The following NCOR2 variants were observed in gnomAD, a reference collection of about 807,000 sequenced individuals.
NCOR2 encodes nuclear receptor corepressor 2, also known as CTG repeat protein 26.
Under a neutral mutation model 262.9 loss-of-function variants are expected in NCOR2, and 81 were observed. The observed-to-expected ratio is 0.31, with a 90% confidence interval of 0.26 to 0.37. NCOR2 has a LOEUF of 0.37. Among genes scored for constraint, NCOR2 ranks in the 10% least tolerant of loss-of-function variants. The probability of loss-of-function intolerance (pLI) is 1.00; values close to 1 mark genes in which losing one functional copy is unlikely to be tolerated. For missense variants in NCOR2, 3,385 were observed against 3,621.4 expected (o/e 0.93, Z 1.68); for synonymous variants, 1,659 against 1,559.3 (o/e 1.06, Z -1.51).
At chr12:124,343,937 T>C (rs1380336485) in intron 32 of NCOR2, among the ~76,000 whole-genome samples, 3 of 152,140 alleles carry the variant, frequency 2.0e-5, no homozygotes, top group Non-Finnish European at 4.4e-5. Flanking sequence ...CGGAAGACAA[T>C]TTTAAAATGT....
At chr12:124,543,891 A>C (rs1443859214) in intron 1 of NCOR2, among the ~76,000 whole-genome samples, 1 of 152,206 alleles carries the variant, frequency 6.6e-6, no homozygotes, top group Non-Finnish European at 1.5e-5. Flanking sequence ...TCGGTGCCTG[A>C]AGCTCAGGGT....
intron 9 of NCOR2, 56 bp from the exon 12 acceptor site, chr12:124,429,762 C>A: frequency 6.7e-7 from 1 of 1,485,372 alleles, no homozygotes; most frequent in African/African-American, 1.4e-5. Flanking sequence ...GGGACACTAG[C>A]AGACCCCTGT....
chr12:124,483,648 G>C lies in NCOR2; in HGVS notation c.359C>G (p.Pro120Arg), dbSNP rs569394523. ...CTGGCCCGTGGCCAGCAGGGGTGAC[G>C]GTCGCAGCAGGGGGTCAGGCAGCAG... Residue 120 changes from proline to arginine, a missense_variant, in exon 3 of 47, where the codon CCG becomes CGG. Pro to Arg is a moderately radical substitution (Grantham distance 103, BLOSUM62 -2). This residue lies in a region of NCOR2 where 237 missense variants were observed against 229.4 expected (regional missense o/e 1.03). Transcript: ENST00000405201. This position sits in a 1 kb window ranked among gnomAD's most constrained non-coding sequence, Gnocchi z 6.3. The C allele has an allele frequency of 6.2e-7, 1 of 1,611,006 alleles. No homozygotes were observed. Among genetic ancestry groups the C allele is most frequent in the Non-Finnish European group, 8.5e-7 (1 of 1,178,884 alleles).
chr12:124,437,129 T>C (rs2044383023), intron 8 of NCOR2, among the ~76,000 whole-genome samples: 1 of 151,736 alleles, frequency 6.6e-6, no homozygotes, highest in Non-Finnish European at 1.5e-5. Context: ...TGAAATGAAA[T>C]GTAATGAAAT....
intron 7 of NCOR2, among the ~76,000 whole-genome samples, chr12:124,445,792 G>A (rs2045131843): frequency 6.6e-6 from 1 of 152,268 alleles, no homozygotes. Flanking sequence ...TGCCTGGCGT[G>A]TAGTAGATGC....
exon 31 of NCOR2, chr12:124,346,770 G>A: frequency 3.8e-6 from 6 of 1,559,460 alleles, no homozygotes; most frequent in Non-Finnish European, 5.2e-6. Context: ...GGTGGGGGCG[G>A]AGGCGTGCCC....
chr12:124,399,621 G>T (rs778940956), intron 15 of NCOR2, among the ~76,000 whole-genome samples: 1 of 152,130 alleles, frequency 6.6e-6, no homozygotes, highest in Non-Finnish European at 1.5e-5. Context: ...TACATCCCAC[G>T]AGAAGAAGAG....
chr12:124,432,202 G>C lies in NCOR2; in HGVS notation c.883-1415C>G, dbSNP rs1034767390. 2.6e-5 allele frequency among the ~76,000 whole-genome samples: 4 copies of C among 151,750 alleles called. No individual in the cohort carries two copies. The highest frequency in any genetic ancestry group is 5.9e-5 in the Non-Finnish European group (4 of 67,934). On this transcript the variant is annotated intron_variant, in intron 8 of 46. Coordinates refer to ENST00000405201, the Ensembl canonical transcript of NCOR2. This position sits in a 1 kb window ranked among gnomAD's most constrained non-coding sequence, Gnocchi z 5.1. ...GACATGATGGACACACATACACAGA[G>C]TCACACATGTAGACACACAACAGAC...
intron 1 of NCOR2, among the ~76,000 whole-genome samples, chr12:124,555,373 G>C (rs2051848161): frequency 6.6e-6 from 1 of 152,154 alleles, no homozygotes; most frequent in Admixed American, 6.5e-5. Context: ...TGTGTGCACA[G>C]CTCACAAAGC....
intron 9 of NCOR2, among the ~76,000 whole-genome samples, chr12:124,429,954 C>T (rs529663772): frequency 2.6e-5 from 4 of 152,226 alleles, no homozygotes; most frequent in Non-Finnish European, 4.4e-5. Flanking sequence ...CTGAAAAGCC[C>T]AGCTACAAAG....
exon 47 of NCOR2, chr12:124,325,392 C>CCCCCCG: frequency 8.7e-6 from 10 of 1,152,214 alleles, no homozygotes; most frequent in Non-Finnish European, 1.1e-5. Flanking sequence ...CCCCCCCGCC[C>CCCCCCG]TGTTCTGAGT....
At chr12:124,536,086 G>GTGTTTT (rs377391657), upstream of NCOR2, among the ~76,000 whole-genome samples, 19 of 152,202 alleles carry the variant, frequency 1.2e-4, no homozygotes, top group East Asian at 1.4e-3. Flanking sequence ...GTATTTTGGA[G>GTGTTTT]TGTTTTTGTT....
At chr12:124,381,616 C>A (rs1005113871) in intron 17 of NCOR2, among the ~76,000 whole-genome samples, 2 of 152,224 alleles carry the variant, frequency 1.3e-5, no homozygotes, top group African/African-American at 4.8e-5. Flanking sequence ...GAGGCAAAGA[C>A]ACTTGCCCAA....
intron 16 of NCOR2, among the ~76,000 whole-genome samples, chr12:124,391,301 C>T (rs1296483628): frequency 1.3e-5 from 2 of 152,170 alleles, no homozygotes; most frequent in African/African-American, 4.8e-5. Context: ...CACCTCCAGC[C>T]TTGACGTTTC....
At position 124,504,851 on chromosome 12, in the gene NCOR2, G is replaced by A. The variant is rs1187043370; in HGVS notation, c.-117-9483C>T. Among the ~76,000 whole-genome samples, 2 of 152,198 alleles carry A rather than the reference G, an allele frequency of 1.3e-5. No homozygotes were observed. The highest frequency in any genetic ancestry group is 6.5e-5 in the Admixed American group (1 of 15,282). On this transcript the variant is annotated intron_variant, in intron 1 of 46. Transcript: ENST00000404621. The surrounding 1 kb of genome is among the most constrained non-coding windows in gnomAD (Gnocchi z 4.5). ...GATTCCCAGGACAGAACAAAGGCCC[G>A]AGGCTGCCAGGGGTTGTGGGGAGGG... is the stretch of plus-strand genomic sequence containing the variant.
intron 13 of NCOR2, 135 bp downstream of exon 15, chr12:124,419,820 TCA>T (rs1177215540): frequency 6.4e-6 from 5 of 778,244 alleles, no homozygotes; most frequent in Non-Finnish European, 8.7e-6. Flanking sequence ...GAGCCTGCAC[TCA>T]CACTGCCGGT....
At position 124,517,685 on chromosome 12, in the gene NCOR2, TC is replaced by T. The variant is rs960812153; in HGVS notation, c.-118+17879del. The stretch of plus-strand genomic sequence containing the variant: ...CCTGAGCCCCCAAGGCTCGCCATGC[TC>T]CCCCCCAGGGACGCCGGATGTGCAC... On this transcript the variant is annotated intron_variant, in intron 1 of 46. Transcript: ENST00000404621. This position sits in a 1 kb window ranked among gnomAD's most constrained non-coding sequence, Gnocchi z 7.6. 2.0e-5 allele frequency among the ~76,000 whole-genome samples: 3 copies of T among 151,316 alleles called. No individual in the cohort carries two copies. Among genetic ancestry groups the T allele is most frequent in the South Asian group, 2.1e-4 (1 of 4,768 alleles).
chr12:124,364,550 G>A (rs185888044), intron 20 of NCOR2, among the ~76,000 whole-genome samples: 357 of 152,348 alleles, frequency 2.3e-3, no homozygotes, highest in Middle Eastern at 6.8e-3. Context: ...ACTGAGATGC[G>A]CGACCAGAGG....
chr12:124,456,500 C>T (rs2136549140), intron 6 of NCOR2, among the ~76,000 whole-genome samples: 1 of 152,338 alleles, frequency 6.6e-6, no homozygotes, highest in African/African-American at 2.4e-5. Context: ...GCCATCATCG[C>T]CATCATCGCC....
Sources: gnomAD v4.1 joint callset for allele counts (sites outside exome capture counted in the v4.1 genomes callset) on GRCh38, gnomAD v4.1.1 for gene constraint, gnomAD v4.1.1 regional missense constraint, Gnocchi (gnomAD v3.1) non-coding constraint, MANE v1.5 for transcripts, NCBI Gene and HGNC (gene_info 2026-07-23, HGNC 2026-07-21) for gene names.